Variants in NBEA observed in about 807,000 individuals in gnomAD.
NBEA encodes the protein lysosomal-trafficking regulator 2.
A neutral mutation model predicts 343.4 loss-of-function variants in NBEA; 44 were observed. The ratio of observed to expected loss-of-function variants is 0.13; its 90% CI spans 0.10 to 0.16. The LOEUF (loss-of-function observed/expected upper bound fraction) is 0.16, where lower values mean the gene tolerates loss of function less well. Among genes scored for constraint, NBEA ranks in the 10% least tolerant of loss-of-function variants. The pLI is 1.00. For missense variants in NBEA, 2,555 were observed against 3,631.3 expected, an observed-to-expected ratio of 0.70 and a Z score of 7.62; for synonymous variants, 1,175 against 1,238.7, an observed-to-expected ratio of 0.95 and a Z score of 1.08.
At chr13:35,486,210 C>A (rs984454226) in intron 41 of NBEA, among the ~76,000 whole-genome samples, 5 of 151,972 alleles carry the variant, frequency 3.3e-5, no homozygotes, top group Non-Finnish European at 5.9e-5. Context: ...TGATTGTTTT[C>A]TCTGGGTATT....
intron 48 of NBEA, among the ~76,000 whole-genome samples, chr13:35,624,747 A>C (rs1016300915): frequency 7.9e-5 from 12 of 152,042 alleles, no homozygotes; most frequent in Non-Finnish European, 1.8e-4. Flanking sequence ...GAGCAAAAGA[A>C]TATAAAGATA....
chr13:35,194,233 A>G (rs2072415252), intron 30 of NBEA, among the ~76,000 whole-genome samples: 1 of 152,040 alleles, frequency 6.6e-6, no homozygotes. Flanking sequence ...ATTTTTTAGT[A>G]TGTGTGTACA....
intron 16 of NBEA, among the ~76,000 whole-genome samples, chr13:35,121,623 T>A (rs888575270): frequency 2.6e-5 from 4 of 151,854 alleles, no homozygotes; most frequent in African/African-American, 9.7e-5. Flanking sequence ...GAAAAAAAAA[T>A]CTTCCAAAGG....
At chr13:35,525,820 A>G (rs1296070621) in intron 41 of NBEA, among the ~76,000 whole-genome samples, 2 of 152,288 alleles carry the variant, frequency 1.3e-5, no homozygotes, top group East Asian at 3.9e-4. Flanking sequence ...TGCCTTATAC[A>G]TGGTGCCTTG....
intron 44 of NBEA, among the ~76,000 whole-genome samples, chr13:35,557,868 G>T (rs2079652972): frequency 1.3e-5 from 2 of 151,980 alleles, no homozygotes; most frequent in South Asian, 4.1e-4. Flanking sequence ...ACAAATTTCT[G>T]CTAGTTGTAT....
In NBEA at chr13:35,342,412, G is replaced by A. The variant is rs539308066; in HGVS notation, c.5904-6696G>A. On this transcript the variant is annotated intron_variant, in intron 36 of 58. Coordinates refer to ENST00000379939, the MANE Select transcript of NBEA (RefSeq NM_001385012.1). ...AATTAGCATGAAATGAACTTTTAGC[G>A]ATAACCATAATTTTAGATGGTTTAT... 8.6e-5 allele frequency among the ~76,000 whole-genome samples: 13 copies of A among 152,034 alleles called. No individual in the cohort carries two copies. In the South Asian group the frequency reaches 2.3e-3, roughly 27 times the overall value.
chr13:34,960,133 C>T (rs910394557), intron 1 of NBEA, among the ~76,000 whole-genome samples: 2 of 151,834 alleles, frequency 1.3e-5, no homozygotes, highest in African/African-American at 2.4e-5. Flanking sequence ...CATGATGTGG[C>T]GGTGGAAGAC....
intron 45 of NBEA, among the ~76,000 whole-genome samples, chr13:35,569,206 A>C (rs1777664): frequency 0.49 from 74,680 of 151,926 alleles, 20,096 homozygotes; most frequent in Admixed American, 0.63. Flanking sequence ...AATGGCATGC[A>C]TGACTTGCCA....
At chr13:35,624,792 T>C (rs924167595) in intron 48 of NBEA, among the ~76,000 whole-genome samples, 1 of 151,824 alleles carries the variant, frequency 6.6e-6, no homozygotes, top group African/African-American at 2.4e-5. Flanking sequence ...ATGAAAAATA[T>C]AGAAAGCTGG....
At chr13:34,950,645 C>T (rs1442857172) in intron 1 of NBEA, among the ~76,000 whole-genome samples, 3 of 151,284 alleles carry the variant, frequency 2.0e-5, no homozygotes, top group East Asian at 1.9e-4. Flanking sequence ...TTAAATATTA[C>T]AGGACGAAGC....
At chr13:35,506,493 T>C (rs549992772) in intron 41 of NBEA, among the ~76,000 whole-genome samples, 1 of 152,210 alleles carries the variant, frequency 6.6e-6, no homozygotes, top group Non-Finnish European at 1.5e-5. Flanking sequence ...ATCAAATGTA[T>C]TGATTCAGCA....
At chr13:35,237,023 G>A (rs762667492) in intron 34 of NBEA, among the ~76,000 whole-genome samples, 21 of 151,938 alleles carry the variant, frequency 1.4e-4, no homozygotes, top group Admixed American at 8.5e-4. Flanking sequence ...CTTGGGAGGC[G>A]AAAGCAGATG....
chr13:35,493,558 A>C (rs1001822613), intron 41 of NBEA, among the ~76,000 whole-genome samples: 1 of 151,914 alleles, frequency 6.6e-6, no homozygotes, highest in Non-Finnish European at 1.5e-5. Flanking sequence ...AAGTATGTAA[A>C]ACTGCCAAAG....
chr13:35,198,469 T>C (rs1398338272), intron 31 of NBEA, among the ~76,000 whole-genome samples: 1 of 152,186 alleles, frequency 6.6e-6, no homozygotes, highest in Non-Finnish European at 1.5e-5. Context: ...ATGAGTTTTT[T>C]AATTAAAACT....
chr13:35,637,960 C>A (rs555889786), intron 49 of NBEA, among the ~76,000 whole-genome samples: 19 of 152,134 alleles, frequency 1.2e-4, no homozygotes, highest in African/African-American at 4.3e-4. Context: ...CTGACACATG[C>A]TACAACATGG....
intron 38 of NBEA, among the ~76,000 whole-genome samples, chr13:35,412,671 T>C (rs2043661051): frequency 6.6e-6 from 1 of 152,156 alleles, no homozygotes; most frequent in Non-Finnish European, 1.5e-5. Flanking sequence ...ATGTATATCA[T>C]AGTTATCACT....
chr13:35,092,449 A>G (rs1354894646), intron 10 of NBEA, among the ~76,000 whole-genome samples: 3 of 152,052 alleles, frequency 2.0e-5, no homozygotes. Context: ...CTGGAGGAAG[A>G]TAACAGCAAA....
chr13:35,356,320 A>G (rs1178173237), intron 38 of NBEA, among the ~76,000 whole-genome samples: 2 of 152,200 alleles, frequency 1.3e-5, no homozygotes, highest in African/African-American at 4.8e-5. Flanking sequence ...ATATATTCTA[A>G]CTGGAGTCAC....
chr13:35,606,678 C>A, intron 48 of NBEA, 100 bp downstream of exon 48: 1 of 899,632 alleles, frequency 1.1e-6, no homozygotes, highest in Non-Finnish European at 1.5e-6. Flanking sequence ...ACCAATTATA[C>A]TTAACATCTA....
Sources: gnomAD v4.1 joint callset for allele counts (sites outside exome capture counted in the v4.1 genomes callset) on GRCh38, gnomAD v4.1.1 for gene constraint, MANE v1.5 for transcripts, NCBI Gene and HGNC (gene_info 2026-07-23, HGNC 2026-07-21) for gene names.